PTCH1: variants seen among roughly 807,000 people sequenced by gnomAD.
The protein encoded by PTCH1 is patched 1.
PTCH1 carries 14 observed loss-of-function variants against 144.6 expected under a neutral mutation model. That is an observed-to-expected ratio of 0.10 (90% confidence interval 0.06 to 0.15). The LOEUF is 0.15. Ranked by LOEUF, PTCH1 falls within the 10% of genes least tolerant of loss-of-function variation. PTCH1 has a pLI of 1.00. For missense variants in PTCH1, 1,623 were observed against 1,948.3 expected (o/e 0.83, Z 3.14); for synonymous variants, 833 against 793.6 (o/e 1.05, Z -0.83).
At chr9:95,459,117 G>A (rs957409159) in intron 17 of PTCH1, among the ~76,000 whole-genome samples, 1 of 152,204 alleles carries the variant, frequency 6.6e-6, no homozygotes, top group Admixed American at 6.5e-5. Flanking sequence ...AAAGGAAGAG[G>A]ACGCTGTTGT....
intron 22 of PTCH1, among the ~76,000 whole-genome samples, chr9:95,448,231 G>A (rs575805573): frequency 2.0e-5 from 3 of 152,334 alleles, no homozygotes; most frequent in South Asian, 2.1e-4. Context: ...AGCGGGCGTC[G>A]TCGCGGGGGG....
rs745337014 is a variant in PTCH1, at chr9:95,447,127, C to T, written c.4129G>A (p.Val1377Met). The T allele has an allele frequency of 1.9e-5, 30 of 1,613,106 alleles. No individual in the cohort carries two copies. Among genetic ancestry groups the T allele is most frequent in the East Asian group, 4.5e-5 (2 of 44,878 alleles). Residue 1377 changes from valine to methionine, a missense_variant, in exon 23 of 24, where the codon GTG becomes ATG. By Grantham distance (21) the Val-to-Met change is conservative (BLOSUM62 1). Around this residue, in one of 7 missense-constraint regions of PTCH1, gnomAD observed 291 missense variants for 287.4 expected, o/e 1.01. Transcript: ENST00000331920. ...GGCGGCGGGTGCACGGCGACAGTCA[C>T]GGAGGCAGAAGCCGTCACAGTGGTG... is the stretch of plus-strand genomic sequence containing the variant. ...PITTVTASAS[V>M]TVAVHPPPVP...
chr9:95,512,445 T>G (rs1184922852), upstream of PTCH1, among the ~76,000 whole-genome samples: 2 of 147,012 alleles, frequency 1.4e-5, no homozygotes, highest in African/African-American at 5.0e-5. Context: ...ACTTTGAGGA[T>G]CTAATTGGCC....
intron 6 of PTCH1, 45 bp downstream of exon 6, chr9:95,480,345 G>C (rs1841431739): frequency 6.3e-7 from 1 of 1,599,200 alleles, no homozygotes; most frequent in African/African-American, 1.4e-5. Flanking sequence ...ACAAAAAAGT[G>C]TTTTGCTCTC....
chr9:95,507,457 T>A (rs1843773593), intron 1 of PTCH1: 5 of 984,168 alleles, frequency 5.1e-6, no homozygotes, highest in Non-Finnish European at 6.0e-6. Flanking sequence ...GTAAACACAA[T>A]GAACCCGGCA....
At chr9:95,481,415 G>A (rs1369754014) in intron 5 of PTCH1, among the ~76,000 whole-genome samples, 1 of 152,218 alleles carries the variant, frequency 6.6e-6, no homozygotes, top group Non-Finnish European at 1.5e-5. Context: ...TTCTCTAAAT[G>A]ATGCGGTATA....
intron 14 of PTCH1, among the ~76,000 whole-genome samples, chr9:95,467,680 T>C (rs1413436845): frequency 6.6e-6 from 1 of 152,222 alleles, no homozygotes; most frequent in Non-Finnish European, 1.5e-5. Context: ...CTCGGCTCAC[T>C]GTAACCTCCA....
chr9:95,510,492 C>T (rs1018549749), upstream of PTCH1, among the ~76,000 whole-genome samples: 1 of 152,160 alleles, frequency 6.6e-6, no homozygotes, highest in Non-Finnish European at 1.5e-5. Flanking sequence ...GTCTACACAA[C>T]TAGGCTTTTT....
At chr9:95,504,563 C>G (rs1156651470) in intron 2 of PTCH1, among the ~76,000 whole-genome samples, 1 of 152,030 alleles carries the variant, frequency 6.6e-6, no homozygotes, top group Non-Finnish European at 1.5e-5. Context: ...TGTGCTCATG[C>G]CCTATTCTGT....
At chr9:95,516,709 T>C in exon 1 of PTCH1, 3 of 1,612,844 alleles carry the variant, frequency 1.9e-6, no homozygotes, top group Non-Finnish European at 2.5e-6. Context: ...CCTCCGTCTT[T>C]ACAAAAGGAA....
chr9:95,468,728 A>G (rs2118018759), intron 14 of PTCH1, 23 bp downstream of exon 14: 1 of 1,611,616 alleles, frequency 6.2e-7, no homozygotes, highest in Non-Finnish European at 8.5e-7. Flanking sequence ...AGACAGGAAG[A>G]GCCTTAAGTT....
At chr9:95,462,810 G>C (rs1030061188) in intron 15 of PTCH1, among the ~76,000 whole-genome samples, 1 of 152,230 alleles carries the variant, frequency 6.6e-6, no homozygotes, top group Non-Finnish European at 1.5e-5. Flanking sequence ...GGGGATGGGC[G>C]AGCCCGCCAG....
intron 16 of PTCH1, among the ~76,000 whole-genome samples, chr9:95,460,149 T>C (rs987068346): frequency 6.6e-6 from 1 of 152,256 alleles, no homozygotes; most frequent in Non-Finnish European, 1.5e-5. Flanking sequence ...CATGCACGTC[T>C]GTGTGCAGTT....
intron 2 of PTCH1, among the ~76,000 whole-genome samples, chr9:95,495,942 G>A (rs1357851709): frequency 2.0e-5 from 3 of 152,184 alleles, no homozygotes; most frequent in African/African-American, 7.2e-5. Flanking sequence ...GCAAGTGTGT[G>A]TGAGTGTGTG....
At chr9:95,446,572 G>C (rs571055004) in intron 23 of PTCH1, 181 bp from the exon 24 acceptor site, 2 of 449,572 alleles carry the variant, frequency 4.4e-6, no homozygotes, top group East Asian at 5.1e-5. Flanking sequence ...CTGGTTACAC[G>C]GATGCGTTCC....
chr9:95,456,951 A>T (rs762635422), intron 18 of PTCH1, among the ~76,000 whole-genome samples: 55 of 152,280 alleles, frequency 3.6e-4, no homozygotes, highest in Non-Finnish European at 6.6e-4. Context: ...GGCTAAGCAA[A>T]GATGATGTGG....
rs888689174 is a variant in PTCH1, at chr9:95,469,304, GCCTGGTTGATAACATCA to G, written c.1848-168_1848-152del. 7 of 1,096,854 alleles carry G rather than the reference GCCTGGTTGATAACATCA, an allele frequency of 6.4e-6. No homozygotes were observed. In the Admixed American group the frequency reaches 1.2e-4, roughly 19 times the overall value. The allele number at this position is 1,096,854 out of a possible 1,614,324, so 67.9% of individuals were successfully genotyped here. On this transcript the variant is annotated intron_variant, in intron 13 of 23. Transcript: ENST00000331920. The stretch of plus-strand genomic sequence containing the variant: ...CACATTGCTGAATTCCAGAAACATC[GCCTGGTTGATAACATCA>G]CCTGGTTCATCGCCTGGTGAACTAG...
intron 2 of PTCH1, among the ~76,000 whole-genome samples, chr9:95,500,214 T>G (rs1340217034): frequency 1.3e-5 from 2 of 152,106 alleles, no homozygotes; most frequent in Non-Finnish European, 2.9e-5. Context: ...AAACACCCCA[T>G]TACCCAACCT....
chr9:95,474,421 T>A (rs1840858880), intron 12 of PTCH1, among the ~76,000 whole-genome samples: 1 of 152,218 alleles, frequency 6.6e-6, no homozygotes, highest in African/African-American at 2.4e-5. Context: ...CTGGTTCACC[T>A]TTCATGCCAC....
Sources: allele counts gnomAD v4.1 joint callset (sites outside exome capture counted in the v4.1 genomes callset), GRCh38; gene constraint gnomAD v4.1.1; regional missense constraint gnomAD v4.1.1; transcripts MANE v1.5; gene names NCBI Gene and HGNC (gene_info 2026-07-23, HGNC 2026-07-21).